ARB2A: variants seen among roughly 807,000 people sequenced by gnomAD.
ARB2A encodes the protein cotranscriptional regulator ARB2A.
At chr5:94,072,937 T>G in the ARB2A span, among the ~76,000 whole-genome samples, 1 of 152,090 alleles carries the variant, frequency 6.6e-6, no homozygotes, top group Non-Finnish European at 1.5e-5. Context: ...TTAACCCCGC[T>G]CATCTTGAGT....
At chr5:93,759,891 G>A in the ARB2A span, among the ~76,000 whole-genome samples, 1 of 152,154 alleles carries the variant, frequency 6.6e-6, no homozygotes, top group Non-Finnish European at 1.5e-5. Context: ...GGAAGTTCCA[G>A]CCAGAGCAAT....
chr5:94,000,926 C>G, the ARB2A span, among the ~76,000 whole-genome samples: 151 of 152,174 alleles, frequency 9.9e-4, no homozygotes, highest in Non-Finnish European at 9.4e-4. Context: ...CACTGTATTG[C>G]CATTGATCCT....
At chr5:93,741,674 C>A in the ARB2A span, 4 of 1,311,842 alleles carry the variant, frequency 3.0e-6, no homozygotes, top group Non-Finnish European at 4.1e-6. Flanking sequence ...GAAGGCGTTA[C>A]AAGCCAAGGG....
At chr5:93,941,196 G>A in the ARB2A span, among the ~76,000 whole-genome samples, 1 of 152,040 alleles carries the variant, frequency 6.6e-6, no homozygotes, top group Non-Finnish European at 1.5e-5. Flanking sequence ...ACTGCAGGAG[G>A]TGTTACCTTC....
chr5:93,956,085 T>A, the ARB2A span, among the ~76,000 whole-genome samples: 1 of 152,220 alleles, frequency 6.6e-6, no homozygotes, highest in Non-Finnish European at 1.5e-5. Context: ...ACCAAGAATA[T>A]TAGCGATGGC....
the ARB2A span, among the ~76,000 whole-genome samples, chr5:93,902,572 A>G: frequency 6.6e-6 from 1 of 152,168 alleles, no homozygotes; most frequent in Non-Finnish European, 1.5e-5. Flanking sequence ...CATAAAAAGA[A>G]TAGAAGGCTA....
chr5:93,668,342 C>A, the ARB2A span, among the ~76,000 whole-genome samples: 1 of 152,076 alleles, frequency 6.6e-6, no homozygotes, highest in Non-Finnish European at 1.5e-5. Context: ...TGGCCTCAAG[C>A]AATCCTCCCA....
the ARB2A span, among the ~76,000 whole-genome samples, chr5:94,093,938 A>C: frequency 7.2e-5 from 11 of 152,200 alleles, no homozygotes; most frequent in Non-Finnish European, 1.2e-4. Context: ...ATTAGAAAGA[A>C]GGAAGAAAAG....
the ARB2A span, among the ~76,000 whole-genome samples, chr5:93,711,555 T>C: frequency 6.6e-6 from 1 of 152,184 alleles, no homozygotes; most frequent in East Asian, 1.9e-4. Context: ...AGTGAAGAAG[T>C]TGGCAAATCC....
At chr5:93,902,024 T>C in the ARB2A span, among the ~76,000 whole-genome samples, 1 of 152,058 alleles carries the variant, frequency 6.6e-6, no homozygotes, top group African/African-American at 2.4e-5. Flanking sequence ...TAGAATTATT[T>C]GATGGAAAGG....
the ARB2A span, among the ~76,000 whole-genome samples, chr5:93,892,105 T>C: frequency 1.3e-4 from 20 of 152,282 alleles, no homozygotes; most frequent in Non-Finnish European, 2.2e-4. Context: ...AGGCAGAGAA[T>C]AGACCCATCA....
the ARB2A span, chr5:93,736,537 T>C: frequency 6.6e-6 from 1 of 152,098 alleles, no homozygotes; most frequent in Non-Finnish European, 1.5e-5. Flanking sequence ...TACACAAAGA[T>C]GTCATGAGAA....
the ARB2A span, among the ~76,000 whole-genome samples, chr5:93,753,137 T>C: frequency 1.3e-5 from 2 of 152,218 alleles, no homozygotes; most frequent in Non-Finnish European, 2.9e-5. Context: ...GTATAGATTT[T>C]CAATTACCTG....
chr5:94,003,695 AAAAAT>A, the ARB2A span, among the ~76,000 whole-genome samples: 11 of 152,294 alleles, frequency 7.2e-5, no homozygotes, highest in African/African-American at 2.6e-4. Flanking sequence ...CCTGGTGAAA[AAAAAT>A]AAAAGACATA....
chr5:93,963,085 T>A, the ARB2A span, among the ~76,000 whole-genome samples: 1 of 151,998 alleles, frequency 6.6e-6, no homozygotes, highest in Non-Finnish European at 1.5e-5. Context: ...AACCTAATGC[T>A]CTTTAAATAT....
chr5:93,809,551 CCT>C, the ARB2A span, among the ~76,000 whole-genome samples: 4 of 151,856 alleles, frequency 2.6e-5, no homozygotes, highest in Non-Finnish European at 4.4e-5. Flanking sequence ...TTCATTTGAT[CCT>C]CTTAGACTCA....
chr5:93,999,011 G>C, the ARB2A span, among the ~76,000 whole-genome samples: 5 of 151,936 alleles, frequency 3.3e-5, no homozygotes, highest in African/African-American at 1.2e-4. Context: ...ACATCTCTAA[G>C]CATTATTCAT....
chr5:93,977,647 C>T, the ARB2A span, among the ~76,000 whole-genome samples: 12 of 152,030 alleles, frequency 7.9e-5, no homozygotes, highest in Non-Finnish European at 1.5e-4. Flanking sequence ...ACATGTAAGA[C>T]CTCAAACTAA....
At chr5:93,956,879 A>C in the ARB2A span, among the ~76,000 whole-genome samples, 1 of 152,286 alleles carries the variant, frequency 6.6e-6, no homozygotes, top group Admixed American at 6.5e-5. Flanking sequence ...CTGTTTCTAA[A>C]TCACCAGGAA....
Sources: gnomAD v4.1 joint callset for allele counts (sites outside exome capture counted in the v4.1 genomes callset) on GRCh38, gnomAD v4.1.1 for gene constraint, MANE v1.5 for transcripts, NCBI Gene and HGNC (gene_info 2026-07-23, HGNC 2026-07-21) for gene names.